AGAP1: variants seen among roughly 807,000 people sequenced by gnomAD.
AGAP1 encodes arf-GAP with GTPase, ANK repeat and PH domain-containing protein 1.
AGAP1 carries 29 observed loss-of-function variants against 105.3 expected under a neutral mutation model. The observed-to-expected ratio is 0.28, with a 90% CI of 0.21 to 0.38. The LOEUF is 0.38. AGAP1 is among the 10% of genes least tolerant of loss of function. The pLI is 1.00. For synonymous variants in AGAP1, 509 were observed against 485.9 expected (o/e 1.05, Z -0.63); for missense variants, 998 against 1,165.1 (o/e 0.86, Z 2.09).
Position 235,968,604 on chromosome 2 carries a change from C to T in AGAP1, c.1626C>T (p.Gly542=). The T allele has an allele frequency of 2.5e-6, 4 of 1,607,586 alleles. No individual in the cohort carries two copies. Among genetic ancestry groups the T allele is most frequent in the Non-Finnish European group, 8.5e-7 (1 of 1,177,080 alleles). ...GCACTAGCAACTTCAAAGCCGACGGCCTGTCCGGCACTGCTGAAGGTAAGG... is the reference window on the plus strand; with the variant it reads ...GCACTAGCAACTTCAAAGCCGACGGTCTGTCCGGCACTGCTGAAGGTAAGG... ...KKSTSNFKAD[G]LSGTAEEQEE... Residue 542 remains glycine, a synonymous_variant, in exon 13 of 18, where the codon GGC becomes GGT. Coordinates refer to ENST00000304032, the MANE Select transcript of AGAP1 (RefSeq NM_001037131.3).
intron 12 of AGAP1, among the ~76,000 whole-genome samples, chr2:235,952,534 C>G (rs2053780153): frequency 6.6e-6 from 1 of 152,112 alleles, no homozygotes. Context: ...GTCTGTAAGT[C>G]AGTCTGTATC....
chr2:235,595,839 T>C (rs1945508584), intron 1 of AGAP1, among the ~76,000 whole-genome samples: 1 of 152,204 alleles, frequency 6.6e-6, no homozygotes, highest in South Asian at 2.1e-4. Flanking sequence ...TAAGAAAAAT[T>C]ATACGTTTAC....
intron 1 of AGAP1, among the ~76,000 whole-genome samples, chr2:235,669,408 G>A (rs1444468459): frequency 6.6e-6 from 1 of 152,030 alleles, no homozygotes; most frequent in African/African-American, 2.4e-5. Context: ...GTGGTTTTAG[G>A]GTGCAGGCTG....
intron 6 of AGAP1, among the ~76,000 whole-genome samples, chr2:235,781,146 C>T (rs1956237708): frequency 6.6e-6 from 1 of 152,180 alleles, no homozygotes; most frequent in Admixed American, 6.5e-5. Flanking sequence ...CTTTCCCTAC[C>T]TGTCATTTTT....
chr2:236,081,059 G>A (rs1398421319), intron 16 of AGAP1, among the ~76,000 whole-genome samples: 1 of 152,152 alleles, frequency 6.6e-6, no homozygotes, highest in Non-Finnish European at 1.5e-5. Flanking sequence ...TCTGACCTCT[G>A]TAGATACTGT....
intron 1 of AGAP1, among the ~76,000 whole-genome samples, chr2:235,541,542 C>A (rs1055150094): frequency 6.6e-6 from 1 of 151,922 alleles, no homozygotes; most frequent in Non-Finnish European, 1.5e-5. Flanking sequence ...CGCCCGCCAC[C>A]GTGCCCGGCT....
At chr2:235,576,288 C>T (rs914015321) in intron 1 of AGAP1, among the ~76,000 whole-genome samples, 6 of 152,180 alleles carry the variant, frequency 3.9e-5, no homozygotes, top group Non-Finnish European at 5.9e-5. Flanking sequence ...TTTTACTCTC[C>T]AGTCTTTTCT....
chr2:235,870,614 GA>G (rs2049391779), intron 9 of AGAP1, among the ~76,000 whole-genome samples: 1 of 151,040 alleles, frequency 6.6e-6, no homozygotes, highest in African/African-American at 2.4e-5. Context: ...CAACAAGAGT[GA>G]AACTCCATCT....
chr2:236,083,497 A>G lies in AGAP1; in HGVS notation c.2114+34216A>G, dbSNP rs2058842522. Among the ~76,000 whole-genome samples, 2 of 152,208 alleles carry G rather than the reference A, an allele frequency of 1.3e-5. No homozygotes were observed. The highest frequency in any genetic ancestry group is 6.5e-5 in the Admixed American group (1 of 15,286). ...GCAACTGATTCTTCTATTATTTTGA[A>G]GAGCCTGTTTATTTTCCAGCAGTTA... On this transcript the variant is annotated intron_variant, in intron 16 of 17. Transcript: ENST00000304032. The surrounding 1 kb of genome is among the most constrained non-coding windows in gnomAD (Gnocchi z 5.3).
intron 9 of AGAP1, among the ~76,000 whole-genome samples, chr2:235,815,486 C>A (rs1319675795): frequency 6.6e-6 from 1 of 152,180 alleles, no homozygotes; most frequent in African/African-American, 2.4e-5. Context: ...AGGGCTTCAA[C>A]ATGCAAATTT....
At position 235,719,669 on chromosome 2, in the gene AGAP1, A is replaced by G. The variant is rs1951285637; in HGVS notation, c.310+2025A>G. 6.6e-6 allele frequency among the ~76,000 whole-genome samples: 1 copy of G among 152,196 alleles called. No homozygotes were observed. The highest frequency in any genetic ancestry group is 2.4e-5 in the African/African-American group (1 of 41,448). ...AAAGTGGAAGTAGCTCATCCCCTCCATGGGGCCCCATGCCCAAGGCTTCCT... is the reference window on the plus strand; with the variant it reads ...AAAGTGGAAGTAGCTCATCCCCTCCGTGGGGCCCCATGCCCAAGGCTTCCT... On this transcript the variant is annotated intron_variant, in intron 3 of 17. Transcript: ENST00000304032. The surrounding 1 kb of genome is among the most constrained non-coding windows in gnomAD (Gnocchi z 4.9).
chr2:235,849,696 C>G (rs1961942699), intron 9 of AGAP1, among the ~76,000 whole-genome samples: 1 of 152,168 alleles, frequency 6.6e-6, no homozygotes, highest in Non-Finnish European at 1.5e-5. Flanking sequence ...TCCAGCCTCA[C>G]CCAGCCCCTC....
chr2:235,774,037 A>G (rs948649036), intron 6 of AGAP1: 9 of 451,322 alleles, frequency 2.0e-5, no homozygotes, highest in African/African-American at 1.9e-4. Context: ...TACTACTACT[A>G]TTATGACTAC....
rs889136606 is a variant in AGAP1 at position 235,754,125 on chromosome 2, G to A, written c.673+3637G>A. ...GGATCCCCCATCTTGGGACCTGAGA[G>A]CCTCGACTTAACCACAGCACCGGGA... On this transcript the variant is annotated intron_variant, in intron 6 of 17. Transcript: ENST00000304032. This position sits in a 1 kb window ranked among gnomAD's most constrained non-coding sequence, Gnocchi z 4.6. Among the ~76,000 whole-genome samples, 1 of 152,200 alleles carries A rather than the reference G, an allele frequency of 6.6e-6. No individual in the cohort carries two copies. Among genetic ancestry groups the A allele is most frequent in the African/African-American group, 2.4e-5 (1 of 41,454 alleles).
intron 9 of AGAP1, among the ~76,000 whole-genome samples, chr2:235,871,484 A>G (rs2049437336): frequency 6.6e-6 from 1 of 152,176 alleles, no homozygotes; most frequent in South Asian, 2.1e-4. Flanking sequence ...CCCCATTTCC[A>G]TCCTAAGGTA....
intron 11 of AGAP1, among the ~76,000 whole-genome samples, chr2:235,922,347 G>T (rs994970231): frequency 2.0e-5 from 3 of 152,164 alleles, no homozygotes; most frequent in Non-Finnish European, 4.4e-5. Context: ...AGTGCTCATA[G>T]AATCCTTTTT....
intron 1 of AGAP1, among the ~76,000 whole-genome samples, chr2:235,638,857 G>A (rs550597648): frequency 2.0e-5 from 3 of 152,128 alleles, no homozygotes; most frequent in Admixed American, 6.5e-5. Context: ...ATTTTGTGCC[G>A]GATAATTATT....
rs6718848 is a variant in AGAP1, at chr2:235,744,875, G to C, written c.538+36G>C. 2.1e-4 allele frequency: 330 copies of C among 1,605,974 alleles called. No homozygotes were observed. The African/African-American group carries it at 2.2e-3, about 11-fold the overall frequency. On this transcript the variant is annotated intron_variant, in intron 5 of 17. Transcript: ENST00000304032. The surrounding 1 kb of genome is among the most constrained non-coding windows in gnomAD (Gnocchi z 5.2). ...TTCGTGTGCAGATTGTTTTGAAAGG[G>C]TTCTAACAGTTACATATTTTCAGTA...
chr2:235,724,391 CT>C lies in AGAP1; in HGVS notation c.310+6748del, dbSNP rs1240572582. On this transcript the variant is annotated intron_variant, in intron 3 of 17. Transcript: ENST00000304032. The surrounding 1 kb of genome is among the most constrained non-coding windows in gnomAD (Gnocchi z 4.9). ...CATAGGCAGCAGCTGCCCCCATGCT[CT>C]GTCCCAGAGACGGAACACACTGGTC... 2.0e-5 allele frequency among the ~76,000 whole-genome samples: 3 copies of C among 152,244 alleles called. No homozygotes were observed. The highest frequency in any genetic ancestry group is 4.4e-5 in the Non-Finnish European group (3 of 68,050).
Sources: allele counts gnomAD v4.1 joint callset (sites outside exome capture counted in the v4.1 genomes callset), GRCh38; gene constraint gnomAD v4.1.1; non-coding constraint Gnocchi (gnomAD v3.1); transcripts MANE v1.5; gene names NCBI Gene and HGNC (gene_info 2026-07-23, HGNC 2026-07-21).